FHIT: variants seen among roughly 807,000 people sequenced by gnomAD.
The protein encoded by FHIT is bis(5'-adenosyl)-triphosphatase.
A neutral mutation model predicts 17.9 loss-of-function variants in FHIT; 19 were observed. That is an observed-to-expected ratio of 1.06 (90% CI 0.74 to 1.56). FHIT has a LOEUF of 1.56. FHIT is among the 40% of genes most tolerant of loss of function. FHIT has a pLI of 0.00. For synonymous variants in FHIT, 81 were observed against 69.7 expected (o/e 1.16, Z -0.81); for missense variants, 248 against 189.2 (o/e 1.31, Z -1.82).
chr3:61,020,450 T>C (rs1028188343), intron 3 of FHIT, among the ~76,000 whole-genome samples: 8 of 152,218 alleles, frequency 5.3e-5, no homozygotes, highest in African/African-American at 1.7e-4. Flanking sequence ...CTTTGTCTGA[T>C]GGATAGATTG....
chr3:60,534,772 G>A (rs1296713845), intron 5 of FHIT, among the ~76,000 whole-genome samples: 1 of 152,124 alleles, frequency 6.6e-6, no homozygotes, highest in Non-Finnish European at 1.5e-5. Flanking sequence ...TAACTGAGCA[G>A]GGTTCATTTC....
chr3:60,625,695 T>C (rs973321326), intron 4 of FHIT, among the ~76,000 whole-genome samples: 4 of 152,210 alleles, frequency 2.6e-5, no homozygotes, highest in Non-Finnish European at 5.9e-5. Context: ...GGAGTTTCTT[T>C]TCAGCTTCTG....
chr3:60,723,420 T>C (rs782326931), intron 4 of FHIT, among the ~76,000 whole-genome samples: 1 of 152,172 alleles, frequency 6.6e-6, no homozygotes, highest in Non-Finnish European at 1.5e-5. Context: ...CACCTGTTTG[T>C]ACAAACAGTG....
chr3:61,144,758 C>T (rs1346290207), intron 2 of FHIT, among the ~76,000 whole-genome samples: 1 of 152,128 alleles, frequency 6.6e-6, no homozygotes, highest in Non-Finnish European at 1.5e-5. Flanking sequence ...TGGTATCTCA[C>T]TGTGGTTTTG....
intron 2 of FHIT, among the ~76,000 whole-genome samples, chr3:61,197,761 C>T (rs1023655622): frequency 2.0e-5 from 3 of 151,950 alleles, no homozygotes; most frequent in East Asian, 1.9e-4. Flanking sequence ...GGGGGTAAAC[C>T]GAAGAAAATC....
intron 5 of FHIT, among the ~76,000 whole-genome samples, chr3:60,219,545 A>G (rs975863994): frequency 1.3e-5 from 2 of 152,326 alleles, no homozygotes; most frequent in South Asian, 2.1e-4. Context: ...GAACATAGTC[A>G]GAATTTTAGA....
chr3:60,384,173 C>A (rs1054447160), intron 5 of FHIT, among the ~76,000 whole-genome samples: 6 of 151,088 alleles, frequency 4.0e-5, no homozygotes, highest in Non-Finnish European at 5.9e-5. Context: ...GAGGCTGAGG[C>A]AGGGGAATCA....
At chr3:60,316,427 T>C (rs568216070) in intron 5 of FHIT, among the ~76,000 whole-genome samples, 1 of 152,316 alleles carries the variant, frequency 6.6e-6, no homozygotes, top group South Asian at 2.1e-4. Flanking sequence ...GGTTGAAAAT[T>C]AAAGCCTTAG....
chr3:60,836,554 T>G (rs1378656051), intron 3 of FHIT, among the ~76,000 whole-genome samples: 1 of 152,166 alleles, frequency 6.6e-6, no homozygotes, highest in Non-Finnish European at 1.5e-5. Flanking sequence ...AATTTATGTG[T>G]GTAGAGTTGT....
intron 5 of FHIT, among the ~76,000 whole-genome samples, chr3:60,312,106 T>C (rs1181164188): frequency 6.6e-6 from 1 of 152,128 alleles, no homozygotes. Flanking sequence ...TTTAATTATA[T>C]ATGTGTAGGA....
chr3:60,477,975 C>T (rs1483754869), intron 5 of FHIT, among the ~76,000 whole-genome samples: 2 of 152,178 alleles, frequency 1.3e-5, no homozygotes, highest in African/African-American at 4.8e-5. Context: ...CATAGAGAAG[C>T]GTGGAGATTC....
chr3:60,813,330 C>T (rs1194646464), intron 4 of FHIT, among the ~76,000 whole-genome samples: 5 of 151,746 alleles, frequency 3.3e-5, no homozygotes, highest in African/African-American at 1.2e-4. Flanking sequence ...TGCCCAATCT[C>T]GGGTATTCTG....
intron 5 of FHIT, among the ~76,000 whole-genome samples, chr3:60,422,198 T>C (rs1702501350): frequency 6.6e-6 from 1 of 152,174 alleles, no homozygotes; most frequent in South Asian, 2.1e-4. Context: ...CTTTATCGTA[T>C]GTCCCAAAGT....
At chr3:59,844,640 A>G (rs979840535) in intron 8 of FHIT, among the ~76,000 whole-genome samples, 1 of 152,130 alleles carries the variant, frequency 6.6e-6, no homozygotes, top group Non-Finnish European at 1.5e-5. Context: ...TTTTGTGTAT[A>G]GAACCATCCA....
chr3:60,906,595 T>G (rs1455165451), intron 3 of FHIT, among the ~76,000 whole-genome samples: 4 of 152,122 alleles, frequency 2.6e-5, no homozygotes, highest in Non-Finnish European at 5.9e-5. Flanking sequence ...ATACATCTTT[T>G]TTTACTCCAG....
At chr3:59,855,782 TTTTG>T (rs962500272) in intron 8 of FHIT, among the ~76,000 whole-genome samples, 3 of 148,580 alleles carry the variant, frequency 2.0e-5, no homozygotes, top group Non-Finnish European at 4.5e-5. Context: ...ATAAACCTTT[TTTTG>T]TTTTTTTTTT....
At chr3:59,785,997 G>A (rs546849228) in intron 8 of FHIT, among the ~76,000 whole-genome samples, 2 of 152,280 alleles carry the variant, frequency 1.3e-5, no homozygotes, top group South Asian at 2.1e-4. Context: ...GATCATGTCT[G>A]TTGTGTTCAC....
At chr3:61,107,320 G>A (rs895265721) in intron 2 of FHIT, among the ~76,000 whole-genome samples, 3 of 152,024 alleles carry the variant, frequency 2.0e-5, no homozygotes, top group South Asian at 2.1e-4. Context: ...TTTTATTAAG[G>A]CTGAATAATT....
intron 5 of FHIT, among the ~76,000 whole-genome samples, chr3:60,498,332 C>T (rs1342633025): frequency 1.3e-5 from 2 of 152,260 alleles, no homozygotes; most frequent in Admixed American, 1.3e-4. Flanking sequence ...TCATTTGTTA[C>T]ATTTATAGCA....
Sources: allele counts gnomAD v4.1 joint callset (sites outside exome capture counted in the v4.1 genomes callset), GRCh38; gene constraint gnomAD v4.1.1; transcripts MANE v1.5; gene names NCBI Gene and HGNC (gene_info 2026-07-23, HGNC 2026-07-21).